The following BBIP1 variants were observed in gnomAD, a reference collection of about 807,000 sequenced individuals.
BBIP1 encodes the protein BBSome-interacting protein 1.
In BBIP1, 6 loss-of-function variants were observed where a neutral mutation model predicts 8.9. The ratio of observed to expected loss-of-function variants is 0.67; its 90% CI spans 0.37 to 1.33. The LOEUF (loss-of-function observed/expected upper bound fraction) is 1.33, where lower values mean the gene tolerates loss of function less well. Ranked by LOEUF, BBIP1 falls within the 40% of genes most tolerant of loss-of-function variation. The pLI is 0.02. For synonymous variants in BBIP1, 32 were observed against 33.4 expected, an observed-to-expected ratio of 0.96 and a Z score of 0.14; for missense variants, 111 against 109.2, an observed-to-expected ratio of 1.02 and a Z score of -0.07.
chr10:110,917,993 A>T, intron 2 of BBIP1, 128 bp downstream of exon 2: 2 of 770,964 alleles, frequency 2.6e-6, no homozygotes, highest in Non-Finnish European at 4.3e-6. Context: ...TCAGTAATTA[A>T]CAGCAAAGAA....
chr10:110,912,441 T>C (rs78952642), intron 2 of BBIP1, among the ~76,000 whole-genome samples: 3,255 of 152,288 alleles, frequency 0.021, 127 homozygotes, highest in African/African-American at 0.075. Context: ...CATGAGAAGA[T>C]ACTGATCTTG....
At chr10:110,911,154 T>G (rs1262962088) in intron 2 of BBIP1, 2 of 152,180 alleles carry the variant, frequency 1.3e-5, no homozygotes, top group African/African-American at 4.8e-5. Flanking sequence ...ATGTCAGCAA[T>G]TCTTACCATA....
rs763246128 is a variant in BBIP1, at chr10:110,899,480, A to G, written c.*880T>C. ...TGTAATTAAAAGCTTAGCTGACTAC[A>G]GAATAGGTGAGGGTTTCTTAAAAAT... On this transcript the variant is annotated 3_prime_UTR_variant, in exon 4 of 4. Transcript: ENST00000448814. 2.6e-5 allele frequency: 4 copies of G among 152,228 alleles called. No homozygotes were observed. The highest frequency in any genetic ancestry group is 4.8e-5 in the African/African-American group (2 of 41,466). 9.4% of individuals were successfully genotyped at this position (152,228 alleles called of 1,614,324 possible).
chr10:110,901,651 C>T, intron 2 of BBIP1, 39 bp from the exon 3 acceptor site: 1 of 1,406,770 alleles, frequency 7.1e-7, no homozygotes, highest in Non-Finnish European at 9.7e-7. Context: ...AATACATTCC[C>T]AAAGCAGACT....
Position 110,900,533 on chromosome 10 carries a change from T to C in BBIP1, c.113-7A>G. The C allele has an allele frequency of 2.0e-6, 3 of 1,509,836 alleles. No homozygotes were observed. The highest frequency in any genetic ancestry group is 2.6e-6 in the Non-Finnish European group (3 of 1,136,236). The allele number at this position is 1,509,836 out of a possible 1,614,324, so 93.5% of individuals were successfully genotyped here. ...TCTTCCACAAACAGTGGCCCTAAGT[T>C]TAACAAGAAATAAGAATTAATTCAA... On this transcript the variant is annotated splice_polypyrimidine_tract_variant and splice_region_variant and intron_variant, in intron 3 of 3. Transcript: ENST00000448814.
chr10:110,912,294 A>G (rs1846298824), intron 2 of BBIP1: 1 of 152,006 alleles, frequency 6.6e-6, no homozygotes, highest in Admixed American at 6.6e-5. Context: ...ATTAAATATT[A>G]TTTAAACACT....
chr10:110,915,799 G>C (rs1191600222), intron 2 of BBIP1, among the ~76,000 whole-genome samples: 3 of 152,126 alleles, frequency 2.0e-5, no homozygotes, highest in Non-Finnish European at 4.4e-5. Flanking sequence ...TGTCTCCCAG[G>C]CTCAAGTGAT....
intron 2 of BBIP1, among the ~76,000 whole-genome samples, chr10:110,915,811 C>G (rs1040216023): frequency 6.6e-6 from 1 of 152,114 alleles, no homozygotes; most frequent in Non-Finnish European, 1.5e-5. Flanking sequence ...TCAAGTGATT[C>G]TGGTGCCTCA....
In BBIP1 at chr10:110,918,132, G is replaced by C. The variant is rs371855596; in HGVS notation, c.26C>G (p.Pro9Arg). Reference sequence around the variant, plus strand: ...ATTTTCAATTTTACCTGAAAGTTCTGGTCTTTTTGCTGCAGCTTTAAGCAT... The same window carrying C: ...ATTTTCAATTTTACCTGAAAGTTCTCGTCTTTTTGCTGCAGCTTTAAGCAT... Reference protein sequence around the residue: MLKAAAKRPELSGKNTISN... With the variant: MLKAAAKRRELSGKNTISN... Residue 9 changes from proline to arginine, a missense_variant, in exon 2 of 4, where the codon CCA becomes CGA. Coordinates refer to ENST00000448814, the MANE Select transcript of BBIP1 (RefSeq NM_001195305.3). The C allele has an allele frequency of 6.5e-7, 1 of 1,535,856 alleles. No homozygotes were observed. The highest frequency in any genetic ancestry group is 1.2e-5 in the South Asian group (1 of 84,060).
intron 3 of BBIP1, chr10:110,901,082 G>A (rs918730257): frequency 2.2e-6 from 1 of 448,032 alleles, no homozygotes; most frequent in Non-Finnish European, 4.5e-6. Context: ...TTGAGCCCAG[G>A]GGTTTGAGAC....
At position 110,899,116 on chromosome 10, in the gene BBIP1, C is replaced by G. The variant is rs537866454; in HGVS notation, c.*1244G>C. On this transcript the variant is annotated 3_prime_UTR_variant, in exon 4 of 4. Transcript: ENST00000448814. ...TACCTAATGTATGAGAAAATATTAC[C>G]AATTAACAATAAAGAATGATCATAT... 1.3e-5 allele frequency: 2 copies of G among 152,262 alleles called. No homozygotes were observed. Among genetic ancestry groups the G allele is most frequent in the African/African-American group, 4.8e-5 (2 of 41,562 alleles). 9.4% of individuals were successfully genotyped at this position (152,262 alleles called of 1,614,324 possible). A position where few individuals can be genotyped will look rare whatever the true frequency, so the allele number is the denominator to read the frequency against.
intron 2 of BBIP1, among the ~76,000 whole-genome samples, chr10:110,914,554 G>A (rs1470008719): frequency 6.6e-6 from 1 of 152,126 alleles, no homozygotes; most frequent in Non-Finnish European, 1.5e-5. Flanking sequence ...CTAGCAGAAT[G>A]CTTAATTTGG....
chr10:110,907,323 A>T (rs1205713981), intron 2 of BBIP1: 1 of 157,122 alleles, frequency 6.4e-6, no homozygotes, highest in Non-Finnish European at 1.4e-5. Context: ...ACCAGCCTAG[A>T]CAACAAAGCA....
chr10:110,918,325 A>AC, intron 1 of BBIP1, 112 bp from the exon 2 acceptor site: 1 of 606,262 alleles, frequency 1.6e-6, no homozygotes, highest in South Asian at 2.0e-5. Flanking sequence ...GAATCCCACC[A>AC]CCAGAACCGC....
chr10:110,917,009 C>G (rs1336682836), intron 2 of BBIP1, among the ~76,000 whole-genome samples: 2 of 151,944 alleles, frequency 1.3e-5, no homozygotes, highest in Non-Finnish European at 2.9e-5. Flanking sequence ...TGTGACATAT[C>G]CTTGCAAAAA....
intron 2 of BBIP1, 122 bp downstream of exon 2, chr10:110,917,999 A>C: frequency 1.2e-6 from 1 of 823,126 alleles, no homozygotes; most frequent in Non-Finnish European, 1.9e-6. Flanking sequence ...ATTAACAGCA[A>C]AGAAACAAGA....
chr10:110,914,368 A>G (rs1043779218), intron 2 of BBIP1, among the ~76,000 whole-genome samples: 1 of 151,960 alleles, frequency 6.6e-6, no homozygotes, highest in African/African-American at 2.4e-5. Flanking sequence ...AGAATAACAA[A>G]ATTTTTATCT....
At chr10:110,913,250 G>A (rs1846320184) in intron 2 of BBIP1, among the ~76,000 whole-genome samples, 2 of 152,148 alleles carry the variant, frequency 1.3e-5, no homozygotes. Context: ...TATCTGTCCT[G>A]GGTTGTAAGG....
Position 110,901,662 on chromosome 10 carries a change from G to T in BBIP1, c.38-50C>A, listed in dbSNP as rs1423441844. On this transcript the variant is annotated intron_variant, in intron 2 of 3. Coordinates refer to ENST00000448814, the MANE Select transcript of BBIP1 (RefSeq NM_001195305.3). ...CAAGAATACATTCCCAAAGCAGACT[G>T]CCTGAGACATTTCCATTGTAGTTTA... 3.0e-6 allele frequency: 4 copies of T among 1,328,474 alleles called. No individual in the cohort carries two copies. In the Admixed American group the frequency reaches 5.9e-5, roughly 20 times the overall value. 82.3% of individuals were successfully genotyped at this position (1,328,474 alleles called of 1,614,324 possible).
Sources: allele counts gnomAD v4.1 joint callset (sites outside exome capture counted in the v4.1 genomes callset), GRCh38; gene constraint gnomAD v4.1.1; transcripts MANE v1.5; gene names NCBI Gene and HGNC (gene_info 2026-07-23, HGNC 2026-07-21).